Variants in CACHD1 observed in about 807,000 individuals in gnomAD.
The protein encoded by CACHD1 is cache domain containing 1, also known as VWFA and cache domain-containing protein 1.
A neutral mutation model predicts 138.7 loss-of-function variants in CACHD1; 71 were observed. The ratio of observed to expected loss-of-function variants is 0.51; its 90% confidence interval spans 0.42 to 0.62. The LOEUF (loss-of-function observed/expected upper bound fraction) is 0.62, where lower values mean the gene tolerates loss of function less well. CACHD1 is among the 20% of genes least tolerant of loss of function. The pLI is 0.00. For synonymous variants in CACHD1, 578 were observed against 591.5 expected (o/e 0.98, Z 0.33); for missense variants, 1,389 against 1,625.3 (o/e 0.85, Z 2.50).
At chr1:64,589,815 G>A (rs1557508297) in intron 3 of CACHD1, among the ~76,000 whole-genome samples, 2 of 152,096 alleles carry the variant, frequency 1.3e-5, no homozygotes, top group Non-Finnish European at 2.9e-5. Context: ...AAACCTATCT[G>A]GGTAACATAG....
intron 4 of CACHD1, among the ~76,000 whole-genome samples, chr1:64,610,965 GGCTCTTGTCGCCT>G (rs1647511098): frequency 6.6e-6 from 1 of 152,082 alleles, no homozygotes; most frequent in Admixed American, 6.5e-5. Context: ...CCCAAACCTC[GGCTCTTGTCGCCT>G]GCACACCCAC....
At chr1:64,584,920 G>T (rs1392472933) in intron 3 of CACHD1, among the ~76,000 whole-genome samples, 1 of 152,068 alleles carries the variant, frequency 6.6e-6, no homozygotes, top group Non-Finnish European at 1.5e-5. Flanking sequence ...TCAAAGCAGA[G>T]AACTATACCA....
At chr1:64,560,442 G>C (rs941560031) in intron 2 of CACHD1, among the ~76,000 whole-genome samples, 4 of 151,604 alleles carry the variant, frequency 2.6e-5, no homozygotes, top group Non-Finnish European at 5.9e-5. Flanking sequence ...GATTTCTCTT[G>C]TGATTTTTAA....
chr1:64,657,312 C>T (rs1164217135), intron 12 of CACHD1, among the ~76,000 whole-genome samples: 1 of 152,064 alleles, frequency 6.6e-6, no homozygotes, highest in Admixed American at 6.6e-5. Flanking sequence ...GACAGAAAGA[C>T]CTATATTGAA....
chr1:64,675,431 C>T lies in CACHD1; in HGVS notation c.2758C>T (p.His920Tyr). The change falls in exon 20 of 27, where the codon CAC becomes TAC. Residue 920 changes from histidine (H) to tyrosine (Y), a missense_variant. By Grantham distance (83) the His-to-Tyr change is moderately conservative. This residue lies in a region of CACHD1 where 50 missense variants were observed against 108.2 expected (regional missense o/e 0.46). Coordinates refer to ENST00000651257, the MANE Select transcript of CACHD1 (RefSeq NM_020925.4). ...GDLTNLVHGSHCSKYRLARIP... is the reference protein window; with the variant it reads ...GDLTNLVHGSYCSKYRLARIP... Reference sequence around the variant, plus strand: ...TTTGACGAACCTTGTGCATGGCAGCCACTGTTCCAAATACAGATTAGCAAG... The same window carrying T: ...TTTGACGAACCTTGTGCATGGCAGCTACTGTTCCAAATACAGATTAGCAAG... The T allele has an allele frequency of 6.2e-7, 1 of 1,605,254 alleles. No homozygotes were observed. Among genetic ancestry groups the T allele is most frequent in the Non-Finnish European group, 8.5e-7 (1 of 1,172,948 alleles).
chr1:64,484,031 T>C (rs1646227277), intron 1 of CACHD1, among the ~76,000 whole-genome samples: 1 of 152,172 alleles, frequency 6.6e-6, no homozygotes, highest in African/African-American at 2.4e-5. Context: ...TTTCCTACCC[T>C]GTTTCTTTTA....
intron 1 of CACHD1, among the ~76,000 whole-genome samples, chr1:64,528,025 G>T (rs1020173876): frequency 1.3e-5 from 2 of 152,188 alleles, no homozygotes; most frequent in Non-Finnish European, 2.9e-5. Context: ...ATTCTGGAAA[G>T]GAGTGGGGGG....
At chr1:64,510,053 C>T (rs1303267230) in intron 1 of CACHD1, among the ~76,000 whole-genome samples, 2 of 152,116 alleles carry the variant, frequency 1.3e-5, no homozygotes, top group Non-Finnish European at 1.5e-5. Context: ...TTTAGGATGA[C>T]TTAGAGTGCT....
At chr1:64,519,631 C>A (rs896046124) in intron 1 of CACHD1, among the ~76,000 whole-genome samples, 3 of 147,012 alleles carry the variant, frequency 2.0e-5, no homozygotes, top group Non-Finnish European at 4.6e-5. Context: ...CTGAGCAGTT[C>A]TAGTTCACCA....
chr1:64,504,911 G>GCA (rs1429970814), intron 1 of CACHD1, among the ~76,000 whole-genome samples: 7 of 152,160 alleles, frequency 4.6e-5, no homozygotes, highest in Admixed American at 2.0e-4. Context: ...TACACCAGGA[G>GCA]CACACAGTGG....
intron 13 of CACHD1, among the ~76,000 whole-genome samples, chr1:64,663,265 A>AGCC (rs940414586): frequency 8.5e-5 from 13 of 152,210 alleles, no homozygotes; most frequent in African/African-American, 2.9e-4. Flanking sequence ...TTAGATATTA[A>AGCC]GCCGCCGCCG....
chr1:64,650,678 A>G lies in CACHD1; in HGVS notation c.1391-1483A>G, dbSNP rs186723025. The stretch of plus-strand genomic sequence containing the variant: ...ATACCTCAAGTGGACATCATATGCA[A>G]TTCTCTGTGTAGAAGCTCATTCTTT... On this transcript the variant is annotated intron_variant, in intron 9 of 26. Transcript: ENST00000651257. Among the ~76,000 whole-genome samples, 431 of 152,308 alleles carry G rather than the reference A, an allele frequency of 2.8e-3. 2 individuals carry two copies. Among genetic ancestry groups the G allele is most frequent in the Non-Finnish European group, 3.3e-3 (225 of 68,026 alleles).
rs994466510 is a variant in CACHD1, at chr1:64,607,829, A to C, written c.517+4917A>C. On this transcript the variant is annotated intron_variant, in intron 4 of 26. Transcript: ENST00000651257. Reference sequence around the variant, plus strand: ...TGTTTTTTCAGAGAATTAGAAAGCAAGATCATCAGCTGAGAGTGAGGACCA... The same window carrying C: ...TGTTTTTTCAGAGAATTAGAAAGCACGATCATCAGCTGAGAGTGAGGACCA... Among the ~76,000 whole-genome samples the C allele has an allele frequency of 7.9e-5, 12 of 152,308 alleles. No homozygotes were observed. In the South Asian group the frequency reaches 2.5e-3, roughly 32 times the overall value.
chr1:64,654,479 A>T (rs1035140611), intron 11 of CACHD1, among the ~76,000 whole-genome samples: 2 of 152,178 alleles, frequency 1.3e-5, no homozygotes, highest in African/African-American at 4.8e-5. Flanking sequence ...GGGAGCAAGG[A>T]TGGAGAGTAA....
At chr1:64,669,002 A>G (rs1297659436) in intron 16 of CACHD1, among the ~76,000 whole-genome samples, 1 of 152,212 alleles carries the variant, frequency 6.6e-6, no homozygotes, top group African/African-American at 2.4e-5. Flanking sequence ...GCATGACTAT[A>G]AACAAACTCC....
rs142619871 is a variant in CACHD1 at position 64,516,112 on chromosome 1, A to G, written c.199-34482A>G. 9.8e-5 allele frequency among the ~76,000 whole-genome samples: 15 copies of G among 152,326 alleles called. No individual in the cohort carries two copies. The East Asian group carries it at 1.2e-3, about 12-fold the overall frequency. On this transcript the variant is annotated intron_variant, in intron 1 of 26. Transcript: ENST00000651257. Reference sequence around the variant, plus strand: ...TAAGTAGCACATAAACTAGACCAACATGCAACATTTTCAAATTAGTTTTAA... The same window carrying G: ...TAAGTAGCACATAAACTAGACCAACGTGCAACATTTTCAAATTAGTTTTAA...
In CACHD1 at chr1:64,647,823, G is replaced by C. The variant is rs747274667; in HGVS notation, c.1179G>C (p.Glu393Asp). The change falls in exon 9 of 27, where the codon GAG becomes GAC. Residue 393 changes from glutamate (E) to aspartate (D), a missense_variant. Coordinates refer to ENST00000651257, the MANE Select transcript of CACHD1 (RefSeq NM_020925.4). ...TAGATGGGGTGACTGGTTTGAAAGA[G>C]CTGGCTTTTCTGAGGGATCTAGCTG... ...LMNDGVTGLKELAFLRDLAEQ... is the reference protein window; with the variant it reads ...LMNDGVTGLKDLAFLRDLAEQ... 1.2e-6 allele frequency: 2 copies of C among 1,614,184 alleles called. No homozygotes were observed. Among genetic ancestry groups the C allele is most frequent in the Non-Finnish European group, 1.7e-6 (2 of 1,180,028 alleles).
intron 16 of CACHD1, among the ~76,000 whole-genome samples, chr1:64,670,503 G>T (rs916616452): frequency 6.6e-6 from 1 of 152,196 alleles, no homozygotes; most frequent in Non-Finnish European, 1.5e-5. Flanking sequence ...TCAGCCACAA[G>T]AGTATGGGGA....
In CACHD1 at chr1:64,673,180, G is replaced by A; in HGVS notation, c.2533G>A (p.Gly845Ser). The part of the protein sequence containing the change: ...KIRCFIMEDR[G>S]YLVAHPTLID... ...CAGGTGCTTCATAATGGAGGACAGG[G>A]GTTATCTGGTGGCGCACCCGACTCT... The change falls in exon 18 of 27, where the codon GGT becomes AGT. Residue 845 changes from glycine (G) to serine (S), a missense_variant. This residue lies in a region of CACHD1 where 1,000 missense variants were observed against 1,114.7 expected (regional missense o/e 0.90). Coordinates refer to ENST00000651257, the MANE Select transcript of CACHD1 (RefSeq NM_020925.4). The A allele has an allele frequency of 6.2e-7, 1 of 1,613,656 alleles. No homozygotes were observed. The highest frequency in any genetic ancestry group is 8.5e-7 in the Non-Finnish European group (1 of 1,179,978).
Sources: allele counts gnomAD v4.1 joint callset (sites outside exome capture counted in the v4.1 genomes callset), GRCh38; gene constraint gnomAD v4.1.1; regional missense constraint gnomAD v4.1.1; transcripts MANE v1.5; gene names NCBI Gene and HGNC (gene_info 2026-07-23, HGNC 2026-07-21).